TRIM24: variants seen among roughly 807,000 people sequenced by gnomAD.
TRIM24 encodes the protein transcription intermediary factor 1-alpha.
TRIM24 carries 29 observed loss-of-function variants against 123.9 expected under a neutral mutation model. The observed-to-expected ratio is 0.23, with a 90% confidence interval of 0.17 to 0.32. The LOEUF is 0.32. Among genes scored for constraint, TRIM24 ranks in the 10% least tolerant of loss-of-function variants. The pLI, the probability that TRIM24 is intolerant of heterozygous loss-of-function variation, is 1.00. For synonymous variants in TRIM24, 456 were observed against 461.1 expected (o/e 0.99, Z 0.14); for missense variants, 932 against 1,295.3 (o/e 0.72, Z 4.31).
At chr7:138,489,746 G>A (rs1161294243) in intron 1 of TRIM24, among the ~76,000 whole-genome samples, 1 of 152,162 alleles carries the variant, frequency 6.6e-6, no homozygotes, top group African/African-American at 2.4e-5. Flanking sequence ...CCCTTTGTGG[G>A]TAGGTAACCT....
At chr7:138,549,275 T>C (rs79419655) in intron 7 of TRIM24, among the ~76,000 whole-genome samples, 1 of 152,118 alleles carries the variant, frequency 6.6e-6, no homozygotes. Flanking sequence ...ATGTGGTACA[T>C]GACTACATAT....
In TRIM24 at chr7:138,581,706, C is replaced by T. The variant is rs1797899159; in HGVS notation, c.2728C>T (p.Arg910Cys). The T allele has an allele frequency of 1.2e-6, 2 of 1,611,680 alleles. No individual in the cohort carries two copies. Among genetic ancestry groups the T allele is most frequent in the Non-Finnish European group, 1.7e-6 (2 of 1,178,808 alleles). The change falls in exon 17 of 19, where the codon CGC becomes TGC. Residue 910 changes from arginine (R) to cysteine (C), a missense_variant. Physicochemically the swap from Arg to Cys is radical, Grantham distance 180. Coordinates refer to ENST00000343526, the MANE Select transcript of TRIM24 (RefSeq NM_015905.3). ...ATTTATTTTTGCTTAGAAGTGTGAG[C>T]GCCTACTTTTATTTCTTTACTGCCA... ...LTPIDKRKCE[R>C]LLLFLYCHEM...
In TRIM24 at chr7:138,461,033, C is replaced by T. The variant is rs112619223; in HGVS notation, c.364+121C>T. 306,125 of 962,540 alleles carry T rather than the reference C, an allele frequency of 0.32. 52,749 individuals are homozygous for T. Among genetic ancestry groups the T allele is most frequent in the African/African-American group, 0.41 (23,769 of 57,340 alleles). 59.6% of individuals were successfully genotyped at this position (962,540 alleles called of 1,614,324 possible). A position where few individuals can be genotyped will look rare whatever the true frequency, so the allele number is the denominator to read the frequency against. On this transcript the variant is annotated intron_variant, in intron 1 of 18. Transcript: ENST00000343526. ...CCCGGGGTGCGCGGCGGGGGAGGGG[C>T]GAGCAGGAGGGTCTGTGCTGGCGAC...
At chr7:138,519,974 G>A (rs184351386) in intron 4 of TRIM24, among the ~76,000 whole-genome samples, 1 of 152,208 alleles carries the variant, frequency 6.6e-6, no homozygotes, top group African/African-American at 2.4e-5. Context: ...CCCGATAATG[G>A]CAGACTAGAT....
At chr7:138,531,003 G>A (rs1670240035) in intron 6 of TRIM24, among the ~76,000 whole-genome samples, 2 of 151,976 alleles carry the variant, frequency 1.3e-5, no homozygotes, top group African/African-American at 2.4e-5. Context: ...ACCCAGGCTC[G>A]AGTGTAGTGG....
chr7:138,576,673 A>G (rs1797767264), intron 13 of TRIM24, among the ~76,000 whole-genome samples: 1 of 152,174 alleles, frequency 6.6e-6, no homozygotes. Context: ...GAAAATAAGA[A>G]ATGTTGGATA....
chr7:138,462,193 A>C (rs1166312764), intron 1 of TRIM24, among the ~76,000 whole-genome samples: 1 of 152,238 alleles, frequency 6.6e-6, no homozygotes, highest in Non-Finnish European at 1.5e-5. Flanking sequence ...AAGGGTAGGC[A>C]TGCTTACTGC....
intron 4 of TRIM24, among the ~76,000 whole-genome samples, chr7:138,523,196 A>G (rs1299205534): frequency 1.3e-5 from 2 of 152,188 alleles, no homozygotes. Flanking sequence ...GCAGGCCCAA[A>G]TAACCACTAC....
chr7:138,534,285 A>G, intron 6 of TRIM24, among the ~76,000 whole-genome samples: 1 of 151,918 alleles, frequency 6.6e-6, no homozygotes, highest in Non-Finnish European at 1.5e-5. Context: ...TTGCTTCTCT[A>G]GTTCTTTTAA....
rs1356091880 is a variant in TRIM24 at position 138,585,917 on chromosome 7, T to C, written c.*966T>C. 1.9e-6 allele frequency: 1 copy of C among 518,644 alleles called. No homozygotes were observed. The highest frequency in any genetic ancestry group is 1.9e-5 in the African/African-American group (1 of 51,958). The allele number at this position is 518,644 out of a possible 1,614,324, so 32.1% of individuals were successfully genotyped here. A position where few individuals can be genotyped will look rare whatever the true frequency, so the allele number is the denominator to read the frequency against. On this transcript the variant is annotated 3_prime_UTR_variant, in exon 19 of 19. Transcript: ENST00000343526. ...AGTTCCTCTGAAAGGGACTCGTTTT[T>C]GTGGTTTTCATCTGTCTATAATTTG...
At chr7:138,500,713 T>TA (rs112898132) in intron 1 of TRIM24, among the ~76,000 whole-genome samples, 3,317 of 146,296 alleles carry the variant, frequency 0.023, 102 homozygotes, top group African/African-American at 0.075. Context: ...GTCTGTACAT[T>TA]AAAAAAAAAA....
rs1428977276 is a variant in TRIM24, at chr7:138,563,145, TA to T, written c.1531-4334del. On this transcript the variant is annotated intron_variant, in intron 9 of 18. Coordinates refer to ENST00000343526, the MANE Select transcript of TRIM24 (RefSeq NM_015905.3). ...AGTCCATTAGCTGGCCCCCCACTTC[TA>T]ATGTGACCATGGGCTCCTGGGGGCC... 3.9e-5 allele frequency among the ~76,000 whole-genome samples: 6 copies of T among 152,342 alleles called. No individual in the cohort carries two copies. The East Asian group carries it at 1.2e-3, about 29-fold the overall frequency.
intron 6 of TRIM24, among the ~76,000 whole-genome samples, chr7:138,530,096 A>C (rs528996909): frequency 6.6e-6 from 1 of 152,248 alleles, no homozygotes; most frequent in East Asian, 1.9e-4. Context: ...GTGTATTATC[A>C]GCTGTACAGG....
chr7:138,580,770 T>TATC (rs1191765382), intron 16 of TRIM24, 76 bp downstream of exon 16: 25 of 1,381,400 alleles, frequency 1.8e-5, no homozygotes, highest in Non-Finnish European at 4.8e-6. Flanking sequence ...AAGAGGTGTA[T>TATC]ATCCATCCAG....
At chr7:138,509,491 T>C (rs993527927) in intron 2 of TRIM24, among the ~76,000 whole-genome samples, 1 of 149,798 alleles carries the variant, frequency 6.7e-6, no homozygotes, top group Non-Finnish European at 1.5e-5. Flanking sequence ...ATCACAAGAT[T>C]AGGAGTTTGA....
At position 138,570,821 on chromosome 7, in the gene TRIM24, T is replaced by C. The variant is rs2116670609; in HGVS notation, c.1705-9T>C. 1 of 1,613,608 alleles carries C rather than the reference T, an allele frequency of 6.2e-7. No individual in the cohort carries two copies. The highest frequency in any genetic ancestry group is 2.2e-5 in the East Asian group (1 of 44,886). On this transcript the variant is annotated splice_polypyrimidine_tract_variant and intron_variant, in intron 10 of 18. Transcript: ENST00000343526. ...GATAGCCTTTGTTCTTCTCTTCTTGTTACTGTAGTGGCAGATCAGCAGTGG... is the reference window on the plus strand; with the variant it reads ...GATAGCCTTTGTTCTTCTCTTCTTGCTACTGTAGTGGCAGATCAGCAGTGG...
At chr7:138,566,545 C>G (rs1350768916) in intron 9 of TRIM24, among the ~76,000 whole-genome samples, 1 of 152,086 alleles carries the variant, frequency 6.6e-6, no homozygotes, top group South Asian at 2.1e-4. Context: ...TATGGAGACT[C>G]ATCCTCTAAG....
At chr7:138,536,116 T>C (rs1329149415) in intron 6 of TRIM24, among the ~76,000 whole-genome samples, 1 of 152,178 alleles carries the variant, frequency 6.6e-6, no homozygotes, top group East Asian at 1.9e-4. Context: ...TAGCCATTCA[T>C]CTAATCTTTT....
chr7:138,509,665 G>A lies in TRIM24; in HGVS notation c.483+5257G>A, dbSNP rs1796243794. On this transcript the variant is annotated intron_variant, in intron 2 of 18. Coordinates refer to ENST00000343526, the MANE Select transcript of TRIM24 (RefSeq NM_015905.3). Reference sequence around the variant, plus strand: ...TGCAGTGAGCCAAGATTGCACCACAGCACTCTAGCCTGGATGACAGAGTGA... The same window carrying A: ...TGCAGTGAGCCAAGATTGCACCACAACACTCTAGCCTGGATGACAGAGTGA... Among the ~76,000 whole-genome samples the A allele has an allele frequency of 2.5e-5, 3 of 120,130 alleles. No homozygotes were observed. In the South Asian group the frequency reaches 8.1e-4, roughly 32 times the overall value. The allele number at this position is 120,130 out of a possible 152,430, so 78.8% of individuals were successfully genotyped here.
Sources: gnomAD v4.1 joint callset for allele counts (sites outside exome capture counted in the v4.1 genomes callset) on GRCh38, gnomAD v4.1.1 for gene constraint, MANE v1.5 for transcripts, NCBI Gene and HGNC (gene_info 2026-07-23, HGNC 2026-07-21) for gene names.